Variants in MDFIC2 observed in about 807,000 individuals in gnomAD.
MDFIC2 encodes MyoD family inhibitor domain containing 2.
chr3:70,197,162 C>A lies in MDFIC2; in HGVS notation c.334G>T (p.Ala112Ser), dbSNP rs925761891. 1.3e-5 allele frequency: 5 copies of A among 398,028 alleles called. No homozygotes were observed. The highest frequency in any genetic ancestry group is 1.3e-4 in the South Asian group (1 of 7,840). 24.7% of individuals were successfully genotyped at this position (398,028 alleles called of 1,614,324 possible). ...TCCCAAAACTGGCAAAACAGACAGG[C>A]GAGGATAAGGGAGGCACACTCCTCT... The part of the protein sequence containing the change: ...TDEECASLIL[A>S]CLFCQFWDCL... The change falls in exon 4 of 4, where the codon GCC becomes TCC. Residue 112 changes from alanine to serine, a missense_variant. Physicochemically the swap from Ala to Ser is moderately conservative, Grantham distance 99 (BLOSUM62 1). Coordinates refer to ENST00000567252, the MANE Select transcript of MDFIC2 (RefSeq NM_001364677.1).
chr3:70,276,311 C>T (rs572505689), intron 2 of MDFIC2, among the ~76,000 whole-genome samples: 13 of 152,142 alleles, frequency 8.5e-5, no homozygotes, highest in African/African-American at 2.6e-4. Flanking sequence ...TTTTAAATAA[C>T]TTTATATTAT....
chr3:70,291,992 T>C (rs770768990), intron 2 of MDFIC2: 5 of 152,214 alleles, frequency 3.3e-5, no homozygotes, highest in Non-Finnish European at 7.3e-5. Context: ...ATTTCTATCA[T>C]ATACAAGACA....
intron 2 of MDFIC2, among the ~76,000 whole-genome samples, chr3:70,261,144 AT>A (rs1214622671): frequency 2.0e-5 from 3 of 152,186 alleles, no homozygotes; most frequent in Non-Finnish European, 4.4e-5. Flanking sequence ...AGCAGATAAT[AT>A]TGTATTTCAG....
At chr3:70,261,818 A>C (rs941136268) in intron 2 of MDFIC2, among the ~76,000 whole-genome samples, 2 of 152,190 alleles carry the variant, frequency 1.3e-5, no homozygotes, top group African/African-American at 4.8e-5. Context: ...AACCAAGAAG[A>C]CTAGGATGTG....
chr3:70,243,508 C>CT (rs1701679849), intron 2 of MDFIC2, among the ~76,000 whole-genome samples: 1 of 152,100 alleles, frequency 6.6e-6, no homozygotes, highest in African/African-American at 2.4e-5. Flanking sequence ...CGTTTTTTGG[C>CT]TTTAAGTGTA....
intron 2 of MDFIC2, among the ~76,000 whole-genome samples, chr3:70,248,617 A>G (rs562078141): frequency 7.2e-5 from 11 of 152,148 alleles, no homozygotes; most frequent in Non-Finnish European, 1.3e-4. Flanking sequence ...GGATTAGAAG[A>G]GCAATATTTA....
At chr3:70,236,496 GT>G (rs1701610399) in intron 2 of MDFIC2, among the ~76,000 whole-genome samples, 1 of 152,096 alleles carries the variant, frequency 6.6e-6, no homozygotes, top group South Asian at 2.1e-4. Flanking sequence ...AAGCCTTCAT[GT>G]ATTAGCAACC....
At chr3:70,244,334 C>T (rs559125888) in intron 2 of MDFIC2, among the ~76,000 whole-genome samples, 2 of 152,292 alleles carry the variant, frequency 1.3e-5, no homozygotes, top group Admixed American at 6.5e-5. Context: ...TTAACATTTT[C>T]TCAATGCCTC....
chr3:70,198,817 GC>G (rs1232536186), intron 3 of MDFIC2, among the ~76,000 whole-genome samples: 3 of 152,148 alleles, frequency 2.0e-5, no homozygotes, highest in Non-Finnish European at 4.4e-5. Flanking sequence ...CTTAGAGCCA[GC>G]TTTTAGCGTG....
intron 2 of MDFIC2, among the ~76,000 whole-genome samples, chr3:70,268,826 CTTACTAAATA>C (rs939469284): frequency 2.0e-5 from 3 of 152,046 alleles, no homozygotes; most frequent in African/African-American, 7.2e-5. Flanking sequence ...ACAAACTATT[CTTACTAAATA>C]TTTTGTATCA....
chr3:70,298,869 C>T (rs1702317777), intron 2 of MDFIC2, among the ~76,000 whole-genome samples: 1 of 152,096 alleles, frequency 6.6e-6, no homozygotes, highest in Admixed American at 6.6e-5. Flanking sequence ...ACCTGGGTGA[C>T]TTTGGACCAA....
At chr3:70,289,911 C>G (rs1168481796) in intron 2 of MDFIC2, among the ~76,000 whole-genome samples, 1 of 151,984 alleles carries the variant, frequency 6.6e-6, no homozygotes, top group African/African-American at 2.4e-5. Flanking sequence ...TCAGCTCCAT[C>G]AGCTCCTTTA....
At position 70,204,295 on chromosome 3, in the gene MDFIC2, G is replaced by A. The variant is rs562038082; in HGVS notation, c.310+2274C>T. Among the ~76,000 whole-genome samples, 26 of 151,982 alleles carry A rather than the reference G, an allele frequency of 1.7e-4. No individual in the cohort carries two copies. The East Asian group carries it at 2.3e-3, about 14-fold the overall frequency. Reference sequence around the variant, plus strand: ...GATATTTCTGTATTTATCTCAGTACGAACAATGACCCCAGCTCTCAATTTC... The same window carrying A: ...GATATTTCTGTATTTATCTCAGTACAAACAATGACCCCAGCTCTCAATTTC... On this transcript the variant is annotated intron_variant, in intron 3 of 3. Transcript: ENST00000567252.
intron 2 of MDFIC2, among the ~76,000 whole-genome samples, chr3:70,276,049 A>T (rs1034597713): frequency 1.3e-5 from 2 of 152,160 alleles, no homozygotes; most frequent in Non-Finnish European, 2.9e-5. Flanking sequence ...TTTAAAAAAA[A>T]GTATATATAC....
At chr3:70,205,287 C>T (rs1239424025) in intron 3 of MDFIC2, 1 of 152,048 alleles carries the variant, frequency 6.6e-6, no homozygotes, top group Non-Finnish European at 1.5e-5. Context: ...TTTAGATGAG[C>T]CATGTGCTCT....
chr3:70,246,152 T>G (rs1701706784), intron 2 of MDFIC2, among the ~76,000 whole-genome samples: 1 of 152,022 alleles, frequency 6.6e-6, no homozygotes, highest in African/African-American at 2.4e-5. Context: ...CCGTAGCAAC[T>G]ATTTAAAAGC....
chr3:70,302,728 A>G (rs1431646367), intron 2 of MDFIC2: 2 of 152,182 alleles, frequency 1.3e-5, no homozygotes, highest in Non-Finnish European at 2.9e-5. Context: ...CTGCCTTATC[A>G]TCATTGAACG....
intron 2 of MDFIC2, among the ~76,000 whole-genome samples, chr3:70,309,850 T>C (rs1242171358): frequency 6.6e-6 from 1 of 152,178 alleles, no homozygotes; most frequent in Non-Finnish European, 1.5e-5. Flanking sequence ...CCTGGGAAAT[T>C]AGATTTTATA....
At chr3:70,300,581 A>T (rs1422405970) in intron 2 of MDFIC2, among the ~76,000 whole-genome samples, 9 of 152,052 alleles carry the variant, frequency 5.9e-5, no homozygotes, top group Non-Finnish European at 1.3e-4. Flanking sequence ...TTCAAAAATT[A>T]TATTTGATTC....
Sources: allele counts gnomAD v4.1 joint callset (sites outside exome capture counted in the v4.1 genomes callset), GRCh38; gene constraint gnomAD v4.1.1; transcripts MANE v1.5; gene names NCBI Gene and HGNC (gene_info 2026-07-23, HGNC 2026-07-21).